Variants in KCNT2 observed in about 807,000 individuals in gnomAD.
KCNT2 encodes the protein potassium sodium-activated channel subfamily T member 2.
In KCNT2, 67 loss-of-function variants were observed where a neutral mutation model predicts 153.8. The observed-to-expected ratio is 0.44, with a 90% confidence interval of 0.36 to 0.53. KCNT2 has a LOEUF of 0.53. Among genes scored for constraint, KCNT2 ranks in the 20% least tolerant of loss-of-function variants. KCNT2 has a pLI of 0.00. For synonymous variants in KCNT2, 500 were observed against 458.8 expected (o/e 1.09, Z -1.15); for missense variants, 975 against 1,354.8 (o/e 0.72, Z 4.40).
At chr1:196,252,660 T>C (rs1302388856) in intron 26 of KCNT2, among the ~76,000 whole-genome samples, 1 of 151,648 alleles carries the variant, frequency 6.6e-6, no homozygotes, top group East Asian at 1.9e-4. Context: ...ATAGCTTGCA[T>C]GTTTACCTAT....
chr1:196,439,504 GT>G (rs1404724207), intron 8 of KCNT2, among the ~76,000 whole-genome samples: 4 of 151,830 alleles, frequency 2.6e-5, no homozygotes, highest in African/African-American at 9.7e-5. Flanking sequence ...CAAGTATATT[GT>G]TTTATGTGGT....
intron 25 of KCNT2, among the ~76,000 whole-genome samples, chr1:196,260,788 T>C (rs1052091249): frequency 5.3e-5 from 8 of 151,880 alleles, no homozygotes; most frequent in African/African-American, 1.9e-4. Context: ...TTCCTAACTC[T>C]TTCTCCACAA....
At chr1:196,559,745 A>C (rs144750449) in intron 1 of KCNT2, among the ~76,000 whole-genome samples, 1 of 151,826 alleles carries the variant, frequency 6.6e-6, no homozygotes, top group East Asian at 1.9e-4. Context: ...CTGTGGTTAG[A>C]ATATATTTCG....
At chr1:196,385,764 A>AT (rs1361235120) in intron 13 of KCNT2, among the ~76,000 whole-genome samples, 3 of 87,184 alleles carry the variant, frequency 3.4e-5, no homozygotes, top group Admixed American at 1.3e-4. Flanking sequence ...CCATTTCTGC[A>AT]TTAAAAAAAT....
intron 14 of KCNT2, among the ~76,000 whole-genome samples, chr1:196,355,089 A>G (rs1667062400): frequency 6.6e-6 from 1 of 151,738 alleles, no homozygotes; most frequent in African/African-American, 2.4e-5. Context: ...GAGTTTACAA[A>G]ATAAACAGCT....
At position 196,370,968 on chromosome 1, in the gene KCNT2, A is replaced by G. The variant is rs1225521316; in HGVS notation, c.1403+2172T>C. Reference sequence around the variant, plus strand: ...GGGTGACCAGTACACTAGAAGCCCAATCTCTACCATTATGCAATGCACCCA... The same window carrying G: ...GGGTGACCAGTACACTAGAAGCCCAGTCTCTACCATTATGCAATGCACCCA... On this transcript the variant is annotated intron_variant, in intron 14 of 27. Coordinates refer to ENST00000294725, the MANE Select transcript of KCNT2 (RefSeq NM_198503.5). Among the ~76,000 whole-genome samples, 8 of 152,086 alleles carry G rather than the reference A, an allele frequency of 5.3e-5. No individual in the cohort carries two copies. The South Asian group carries it at 1.0e-3, about 20-fold the overall frequency.
At chr1:196,344,186 A>G (rs1441236403) in intron 14 of KCNT2, among the ~76,000 whole-genome samples, 1 of 152,212 alleles carries the variant, frequency 6.6e-6, no homozygotes, top group Non-Finnish European at 1.5e-5. Context: ...GGTAACACAA[A>G]GAAATCACTT....
chr1:196,502,849 T>C (rs1680811093), intron 1 of KCNT2, among the ~76,000 whole-genome samples: 1 of 152,144 alleles, frequency 6.6e-6, no homozygotes, highest in African/African-American at 2.4e-5. Flanking sequence ...CCCAATTTGA[T>C]TTAAATGTAA....
At chr1:196,256,466 T>G (rs1232407323) in intron 26 of KCNT2, among the ~76,000 whole-genome samples, 1 of 152,042 alleles carries the variant, frequency 6.6e-6, no homozygotes, top group East Asian at 1.9e-4. Context: ...ACAACAGTGT[T>G]GACTGCTCTA....
intron 10 of KCNT2, among the ~76,000 whole-genome samples, chr1:196,427,343 T>C (rs1673744962): frequency 6.6e-6 from 1 of 152,068 alleles, no homozygotes; most frequent in African/African-American, 2.4e-5. Context: ...CAAATCAATA[T>C]TTCTATGTTT....
chr1:196,398,168 C>T (rs542341441), intron 13 of KCNT2, among the ~76,000 whole-genome samples: 2 of 151,412 alleles, frequency 1.3e-5, no homozygotes, highest in South Asian at 4.2e-4. Flanking sequence ...CATGGTAAGC[C>T]TATGTGTGTA....
chr1:196,538,953 T>C (rs1263808469), intron 1 of KCNT2, among the ~76,000 whole-genome samples: 1 of 152,230 alleles, frequency 6.6e-6, no homozygotes, highest in African/African-American at 2.4e-5. Flanking sequence ...CCATGAAATG[T>C]ATCCTTTTTT....
chr1:196,286,328 C>A (rs1558102700), intron 22 of KCNT2, among the ~76,000 whole-genome samples: 1 of 152,010 alleles, frequency 6.6e-6, no homozygotes, highest in Non-Finnish European at 1.5e-5. Flanking sequence ...AAGAGAAACT[C>A]TTTGCCCCTT....
chr1:196,546,174 C>G (rs962470636), intron 1 of KCNT2, among the ~76,000 whole-genome samples: 1 of 152,004 alleles, frequency 6.6e-6, no homozygotes, highest in East Asian at 1.9e-4. Flanking sequence ...TCCTCAACAA[C>G]GTTTGTCTAT....
chr1:196,499,486 A>G (rs1680505272), intron 1 of KCNT2, among the ~76,000 whole-genome samples: 1 of 152,226 alleles, frequency 6.6e-6, no homozygotes, highest in African/African-American at 2.4e-5. Flanking sequence ...TTAAGAGATA[A>G]ATTCCTGAAT....
At chr1:196,373,312 A>G in intron 13 of KCNT2, 64 bp from the exon 14 acceptor site, 1 of 750,878 alleles carries the variant, frequency 1.3e-6, no homozygotes, top group Non-Finnish European at 2.4e-6. Flanking sequence ...AATGTAAAAA[A>G]TAAAACAAAA....
At chr1:196,270,700 T>C (rs1657983437) in intron 25 of KCNT2, among the ~76,000 whole-genome samples, 4 of 151,996 alleles carry the variant, frequency 2.6e-5, no homozygotes, top group East Asian at 1.9e-4. Context: ...AAAGCAATGG[T>C]TTCAACATGC....
chr1:196,228,900 T>C (rs1653705004), intron 27 of KCNT2, among the ~76,000 whole-genome samples: 1 of 152,142 alleles, frequency 6.6e-6, no homozygotes, highest in East Asian at 1.9e-4. Context: ...GTGAATATAA[T>C]GCATAACGTT....
chr1:196,487,041 G>A (rs971652223), intron 3 of KCNT2, among the ~76,000 whole-genome samples: 1 of 151,898 alleles, frequency 6.6e-6, no homozygotes, highest in Non-Finnish European at 1.5e-5. Context: ...CTCTTTGAAA[G>A]AATGGACATT....
Sources: gnomAD v4.1 joint callset for allele counts (sites outside exome capture counted in the v4.1 genomes callset) on GRCh38, gnomAD v4.1.1 for gene constraint, MANE v1.5 for transcripts, NCBI Gene and HGNC (gene_info 2026-07-23, HGNC 2026-07-21) for gene names.